DOCK10: variants seen among roughly 807,000 people sequenced by gnomAD.
DOCK10 encodes dedicator of cytokinesis 10.
Under a neutral mutation model 280.1 loss-of-function variants are expected in DOCK10, and 145 were observed. The observed-to-expected ratio is 0.52, with a 90% CI of 0.45 to 0.59. The LOEUF is 0.59. DOCK10 is among the 20% of genes least tolerant of loss of function. DOCK10 has a pLI of 0.00. For synonymous variants in DOCK10, 915 were observed against 942.2 expected (o/e 0.97, Z 0.53); for missense variants, 2,368 against 2,651.7 (o/e 0.89, Z 2.35).
intron 1 of DOCK10, among the ~76,000 whole-genome samples, chr2:224,999,710 G>GT (rs1317743259): frequency 1.2e-5 from 1 of 81,726 alleles, no homozygotes; most frequent in Non-Finnish European, 2.6e-5. Flanking sequence ...CACTATAATG[G>GT]TGTTTTTTTT....
At position 224,978,032 on chromosome 2, in the gene DOCK10, A is replaced by T. The variant is rs1194628480; in HGVS notation, c.124-46364T>A. On this transcript the variant is annotated intron_variant, in intron 1 of 55. Transcript: ENST00000258390. ...TAAGAGTTAAGTGGGCATCTTTATC[A>T]ACTGAATTTTGCATATTAGTGACAA... 2.0e-4 allele frequency among the ~76,000 whole-genome samples: 30 copies of T among 152,226 alleles called. 1 individual carries two copies. Among genetic ancestry groups the T allele is most frequent in the Admixed American group, 2.0e-3 (30 of 15,274 alleles).
At chr2:224,882,737 T>C (rs112038322) in intron 7 of DOCK10, among the ~76,000 whole-genome samples, 14 of 152,314 alleles carry the variant, frequency 9.2e-5, no homozygotes, top group African/African-American at 3.4e-4. Context: ...ATAAAACTGG[T>C]CTGATTCATC....
intron 1 of DOCK10, among the ~76,000 whole-genome samples, chr2:224,962,094 T>C (rs4674953): frequency 0.24 from 36,945 of 152,086 alleles, 4,700 homozygotes; most frequent in Admixed American, 0.28. Flanking sequence ...TCTGCATCTG[T>C]CCCAATTTTG....
intron 1 of DOCK10, among the ~76,000 whole-genome samples, chr2:225,001,289 C>CTTTT (rs141808105): frequency 0.053 from 6,782 of 128,122 alleles, 472 homozygotes; most frequent in African/African-American, 0.12. Context: ...TACAACAGAC[C>CTTTT]TTTTTTTTTT....
In DOCK10 at chr2:224,840,014, T is replaced by C; in HGVS notation, c.2720A>G (p.Asn907Ser). The change falls in exon 24 of 56, where the codon AAT becomes AGT. Residue 907 changes from asparagine (N) to serine (S), a missense_variant. By Grantham distance (46) the Asn-to-Ser change is conservative. Transcript: ENST00000258390. ...AIMSFLPIIL[N>S]QLFKVLVQNE... ...CTGTACCAGAACTTTGAAGAGCTGA[T>C]TCAAAATTATAGGCAGAAAACTCAT... 6.4e-7 allele frequency: 1 copy of C among 1,566,198 alleles called. No homozygotes were observed. Among genetic ancestry groups the C allele is most frequent in the Non-Finnish European group, 8.7e-7 (1 of 1,152,644 alleles).
Position 224,801,958 on chromosome 2 carries a change from A to G in DOCK10, c.4351T>C (p.Ser1451Pro). The part of the protein sequence containing the change: ...LPIIRGKNAL[S>P]NPKLLQMLDN... ...AACATCTGTAAGAGTTTGGGGTTAG[A>G]AAGTGCATTTTTGCCTCGAATTATA... Residue 1451 changes from serine to proline, a missense_variant, in exon 40 of 56, where the codon TCT (serine) becomes CCT (proline). Ser to Pro is a moderately conservative substitution (Grantham distance 74, BLOSUM62 -1). This residue lies in a region of DOCK10 where 1,159 missense variants were observed against 1,400.8 expected (regional missense o/e 0.83). Transcript: ENST00000258390. 1 of 1,613,160 alleles carries G rather than the reference A, an allele frequency of 6.2e-7. No homozygotes were observed. Among genetic ancestry groups the G allele is most frequent in the Non-Finnish European group, 8.5e-7 (1 of 1,179,328 alleles).
At chr2:224,922,019 T>C (rs11676459) in intron 2 of DOCK10, among the ~76,000 whole-genome samples, 51,327 of 150,556 alleles carry the variant, frequency 0.34, 8,768 homozygotes, top group Middle Eastern at 0.38. Context: ...CTCGAGAGGC[T>C]GAGGCAGGAG....
At chr2:224,960,834 G>T (rs1485364009) in intron 1 of DOCK10, among the ~76,000 whole-genome samples, 1 of 145,750 alleles carries the variant, frequency 6.9e-6, no homozygotes, top group African/African-American at 2.6e-5. Context: ...CCGCCTCCCG[G>T]GTTCACGCCA....
At chr2:224,999,479 C>T (rs1204979030) in intron 1 of DOCK10, among the ~76,000 whole-genome samples, 2 of 151,436 alleles carry the variant, frequency 1.3e-5, no homozygotes, top group Non-Finnish European at 2.9e-5. Flanking sequence ...CCCTCCCTTC[C>T]TGCCTCCCTC....
At position 224,886,866 on chromosome 2, in the gene DOCK10, T is replaced by C. The variant is rs543783488; in HGVS notation, c.417-335A>G. On this transcript the variant is annotated intron_variant, in intron 4 of 55. Coordinates refer to ENST00000258390, the MANE Select transcript of DOCK10 (RefSeq NM_014689.3). Reference sequence around the variant, plus strand: ...ACCTCCCGGGTTGAAGCGATTCTCATGCTGCATGCAGCACCCCCAACACCC... The same window carrying C: ...ACCTCCCGGGTTGAAGCGATTCTCACGCTGCATGCAGCACCCCCAACACCC... 4.3e-4 allele frequency among the ~76,000 whole-genome samples: 65 copies of C among 149,992 alleles called. 1 individual carries two copies. The highest frequency in any genetic ancestry group is 6.5e-4 in the Non-Finnish European group (44 of 67,912).
intron 1 of DOCK10, among the ~76,000 whole-genome samples, chr2:225,005,565 AT>A (rs1706542374): frequency 6.6e-6 from 1 of 152,206 alleles, no homozygotes; most frequent in African/African-American, 2.4e-5. Context: ...CTAAAACTGT[AT>A]TCTTTGACGT....
At chr2:224,957,727 C>A (rs920526905) in intron 1 of DOCK10, among the ~76,000 whole-genome samples, 2 of 152,104 alleles carry the variant, frequency 1.3e-5, no homozygotes, top group Admixed American at 6.5e-5. Context: ...CAAATCAGTG[C>A]CCTCTTTCAC....
intron 1 of DOCK10, among the ~76,000 whole-genome samples, chr2:224,965,077 T>C (rs1175392224): frequency 1.3e-5 from 2 of 152,268 alleles, no homozygotes; most frequent in African/African-American, 4.8e-5. Flanking sequence ...TTTTCCATTG[T>C]TTGCAAAAAT....
intron 2 of DOCK10, among the ~76,000 whole-genome samples, chr2:224,925,564 G>T (rs1007164670): frequency 3.9e-5 from 6 of 152,166 alleles, no homozygotes; most frequent in African/African-American, 1.4e-4. Context: ...CAAGTGTAAG[G>T]TCTGCTTCTT....
chr2:224,918,979 G>T (rs907231417), intron 2 of DOCK10, among the ~76,000 whole-genome samples: 1 of 148,822 alleles, frequency 6.7e-6, no homozygotes, highest in African/African-American at 2.5e-5. Context: ...TGTGGTGTGT[G>T]TGTTTGTGGT....
chr2:225,006,806 AC>A (rs1321242372), intron 1 of DOCK10, among the ~76,000 whole-genome samples: 1 of 152,194 alleles, frequency 6.6e-6, no homozygotes, highest in Non-Finnish European at 1.5e-5. Context: ...AAAGTCAATG[AC>A]CTGTGCATAC....
In DOCK10 at chr2:224,982,432, C is replaced by T. The variant is rs937270597; in HGVS notation, c.124-50764G>A. On this transcript the variant is annotated intron_variant, in intron 1 of 55. Transcript: ENST00000258390. Reference sequence around the variant, plus strand: ...ATGCTATGTTTGCAAAACAGTGGCTCCTTGTCCCTGAAAACAGCCTACACT... The same window carrying T: ...ATGCTATGTTTGCAAAACAGTGGCTTCTTGTCCCTGAAAACAGCCTACACT... 2.4e-6 allele frequency: 3 copies of T among 1,230,488 alleles called. No individual in the cohort carries two copies. In the African/African-American group the frequency reaches 4.7e-5, roughly 19 times the overall value. 76.2% of individuals were successfully genotyped at this position (1,230,488 alleles called of 1,614,324 possible). A position where few individuals can be genotyped will look rare whatever the true frequency, so the allele number is the denominator to read the frequency against.
chr2:224,897,099 A>G (rs1424435937), intron 3 of DOCK10, among the ~76,000 whole-genome samples: 3 of 152,174 alleles, frequency 2.0e-5, no homozygotes, highest in Non-Finnish European at 2.9e-5. Context: ...GCCTTTTGTC[A>G]TGATTTTAGC....
intron 1 of DOCK10, chr2:224,946,998 C>A: frequency 6.6e-7 from 1 of 1,511,448 alleles, no homozygotes; most frequent in South Asian, 1.3e-5. Flanking sequence ...ATATCAATGT[C>A]GTTAAACTCT....
Sources: gnomAD v4.1 joint callset for allele counts (sites outside exome capture counted in the v4.1 genomes callset) on GRCh38, gnomAD v4.1.1 for gene constraint, gnomAD v4.1.1 regional missense constraint, MANE v1.5 for transcripts, NCBI Gene and HGNC (gene_info 2026-07-23, HGNC 2026-07-21) for gene names.